MEF2A: variants seen among roughly 807,000 people sequenced by gnomAD.
The protein encoded by MEF2A is myocyte enhancer factor 2A, also known as myocyte-specific enhancer factor 2A.
A neutral mutation model predicts 55.8 loss-of-function variants in MEF2A; 28 were observed. That is an observed-to-expected ratio of 0.50 (90% CI 0.37 to 0.69). MEF2A has a LOEUF of 0.69. Among genes scored for constraint, MEF2A ranks in the 30% least tolerant of loss-of-function variants. The pLI is 0.00. For synonymous variants in MEF2A, 239 were observed against 227.1 expected, an observed-to-expected ratio of 1.05 and a Z score of -0.47; for missense variants, 528 against 626.2, an observed-to-expected ratio of 0.84 and a Z score of 1.67.
chr15:99,629,897 G>A (rs975484248), intron 2 of MEF2A, among the ~76,000 whole-genome samples: 1 of 151,518 alleles, frequency 6.6e-6, no homozygotes, highest in Non-Finnish European at 1.5e-5. Context: ...CCGAGATCAC[G>A]CCACTGCACT....
intron 3 of MEF2A, among the ~76,000 whole-genome samples, chr15:99,635,528 AAAG>A (rs559770070): frequency 2.8e-4 from 42 of 152,296 alleles, no homozygotes; most frequent in African/African-American, 9.4e-4. Context: ...ATTTTTGCAC[AAAG>A]AAGAAGACCG....
intron 4 of MEF2A, among the ~76,000 whole-genome samples, chr15:99,668,598 G>T (rs2050243444): frequency 6.6e-6 from 1 of 152,188 alleles, no homozygotes; most frequent in Admixed American, 6.5e-5. Flanking sequence ...CACTCTTGAT[G>T]CATTTTTCTA....
chr15:99,622,325 G>A (rs990699095), intron 2 of MEF2A, among the ~76,000 whole-genome samples: 5 of 152,126 alleles, frequency 3.3e-5, no homozygotes, highest in Non-Finnish European at 5.9e-5. Flanking sequence ...CCTAGGAAAA[G>A]ATAACATTAG....
rs1462960756 is a variant in MEF2A at position 99,713,099 on chromosome 15, A to G, written c.*328A>G. ...AGTTTTTGCAGAGAAACGTGTACCCATATATAATTCTCCCACACTAGCTTG... is the reference window on the plus strand; with the variant it reads ...AGTTTTTGCAGAGAAACGTGTACCCGTATATAATTCTCCCACACTAGCTTG... On this transcript the variant is annotated 3_prime_UTR_variant, in exon 12 of 12. Transcript: ENST00000557942. 1 of 448,272 alleles carries G rather than the reference A, an allele frequency of 2.2e-6. No homozygotes were observed. The highest frequency in any genetic ancestry group is 6.9e-5 in the South Asian group (1 of 14,592). The allele number at this position is 448,272 out of a possible 1,614,324, so 27.8% of individuals were successfully genotyped here. A position where few individuals can be genotyped will look rare whatever the true frequency, so the allele number is the denominator to read the frequency against.
At chr15:99,609,363 T>C (rs1976326159) in intron 2 of MEF2A, among the ~76,000 whole-genome samples, 2 of 152,260 alleles carry the variant, frequency 1.3e-5, no homozygotes, top group Non-Finnish European at 1.5e-5. Flanking sequence ...TTCATAAAAT[T>C]AGTGTGAGTA....
At chr15:99,678,125 G>A (rs745610436) in intron 7 of MEF2A, among the ~76,000 whole-genome samples, 5 of 152,074 alleles carry the variant, frequency 3.3e-5, no homozygotes, top group East Asian at 1.9e-4. Flanking sequence ...TATTCAATTC[G>A]AAATATTTTC....
chr15:99,625,805 G>A (rs767305322), intron 2 of MEF2A, among the ~76,000 whole-genome samples: 39 of 151,760 alleles, frequency 2.6e-4, no homozygotes, highest in Non-Finnish European at 3.8e-4. Flanking sequence ...ACATCCTTGC[G>A]TTGCAGGAAT....
At chr15:99,703,825 T>G (rs1468305000) in intron 9 of MEF2A, among the ~76,000 whole-genome samples, 4 of 152,210 alleles carry the variant, frequency 2.6e-5, no homozygotes, top group Admixed American at 2.0e-4. Flanking sequence ...TTTTTCAGCG[T>G]TGGAATTATT....
intron 3 of MEF2A, among the ~76,000 whole-genome samples, chr15:99,644,700 C>T (rs2570935): frequency 0.96 from 145,462 of 152,304 alleles, 69,809 homozygotes; most frequent in East Asian, 1. Flanking sequence ...GTTTTTTAAA[C>T]AGACTTTATG....
intron 1 of MEF2A, among the ~76,000 whole-genome samples, chr15:99,598,171 C>T (rs1374336713): frequency 1.3e-5 from 2 of 152,040 alleles, no homozygotes; most frequent in African/African-American, 2.4e-5. Context: ...TTTTGAATCT[C>T]GCGATGCAAA....
intron 2 of MEF2A, among the ~76,000 whole-genome samples, chr15:99,607,942 G>A (rs993267390): frequency 4.6e-5 from 7 of 152,118 alleles, no homozygotes; most frequent in Admixed American, 3.9e-4. Flanking sequence ...ATAATTTCCT[G>A]TAGGAGTTTT....
At chr15:99,618,099 T>C (rs1322854821) in intron 2 of MEF2A, among the ~76,000 whole-genome samples, 1 of 152,204 alleles carries the variant, frequency 6.6e-6, no homozygotes, top group Non-Finnish European at 1.5e-5. Flanking sequence ...CCTTGAGTTG[T>C]AAAACATACT....
chr15:99,700,526 G>A (rs1360630847), intron 8 of MEF2A, among the ~76,000 whole-genome samples: 2 of 151,776 alleles, frequency 1.3e-5, no homozygotes, highest in Non-Finnish European at 2.9e-5. Context: ...ACACAAAAAA[G>A]GTACAGTTGT....
At chr15:99,703,475 T>C in intron 9 of MEF2A, 90 bp downstream of exon 9, 3 of 1,333,812 alleles carry the variant, frequency 2.2e-6, no homozygotes, top group Non-Finnish European at 3.1e-6. Flanking sequence ...ATGTTCCCTT[T>C]GTTACACAAA....
At chr15:99,702,346 G>A (rs968903961) in intron 8 of MEF2A, among the ~76,000 whole-genome samples, 6 of 151,544 alleles carry the variant, frequency 4.0e-5, no homozygotes, top group Non-Finnish European at 8.8e-5. Flanking sequence ...ACTTACTCAA[G>A]TAAAACAAGT....
intron 1 of MEF2A, among the ~76,000 whole-genome samples, chr15:99,573,095 T>C (rs1238031264): frequency 1.3e-5 from 2 of 152,124 alleles, no homozygotes; most frequent in Non-Finnish European, 2.9e-5. Context: ...GAGACCATCC[T>C]GGCTAACACA....
rs571349108 is a variant in MEF2A, at chr15:99,584,068, C to T, written c.-224-14362C>T. ...CATTTGTAACATAGTAGTGCGTATT[C>T]GTGTATCTAAACATATCTAAACGTG... is the stretch of plus-strand genomic sequence containing the variant. On this transcript the variant is annotated intron_variant, in intron 1 of 11. Coordinates refer to ENST00000557942, the MANE Select transcript of MEF2A (RefSeq NM_001319206.4). Among the ~76,000 whole-genome samples, 8 of 152,054 alleles carry T rather than the reference C, an allele frequency of 5.3e-5. No individual in the cohort carries two copies. In the South Asian group the frequency reaches 1.0e-3, roughly 20 times the overall value.
At chr15:99,659,628 C>CCAGTTCTGTCACTTAA (rs1464829520) in intron 4 of MEF2A, among the ~76,000 whole-genome samples, 1 of 152,018 alleles carries the variant, frequency 6.6e-6, no homozygotes, top group Non-Finnish European at 1.5e-5. Context: ...GATTCTAGTC[C>CCAGTTCTGTCACTTAA]CAGTTCTGTC....
At chr15:99,709,603 G>T (rs149953096) in intron 10 of MEF2A, among the ~76,000 whole-genome samples, 33 of 152,336 alleles carry the variant, frequency 2.2e-4, no homozygotes, top group African/African-American at 7.5e-4. Context: ...TCACTAGGAA[G>T]ACCAATTTCT....
Sources: gnomAD v4.1 joint callset for allele counts (sites outside exome capture counted in the v4.1 genomes callset) on GRCh38, gnomAD v4.1.1 for gene constraint, MANE v1.5 for transcripts, NCBI Gene and HGNC (gene_info 2026-07-23, HGNC 2026-07-21) for gene names.